The following STIM2 variants were observed in gnomAD, a reference collection of about 807,000 sequenced individuals.
STIM2 encodes the protein stromal interaction molecule 2.
Under a neutral mutation model 85.8 loss-of-function variants are expected in STIM2, and 31 were observed. The observed-to-expected ratio is 0.36, with a 90% CI of 0.27 to 0.49. STIM2 has a LOEUF of 0.49. STIM2 is among the 20% of genes least tolerant of loss of function. The pLI is 0.98. For missense variants in STIM2, 841 were observed against 927.6 expected, an observed-to-expected ratio of 0.91 and a Z score of 1.21; for synonymous variants, 356 against 331.1, an observed-to-expected ratio of 1.08 and a Z score of -0.82.
intron 2 of STIM2, among the ~76,000 whole-genome samples, chr4:26,956,401 A>G (rs1179294016): frequency 1.3e-5 from 2 of 151,904 alleles, no homozygotes; most frequent in Non-Finnish European, 2.9e-5. Flanking sequence ...TTTAAAAAGT[A>G]ATATAGAACA....
Position 26,890,920 on chromosome 4 carries a change from G to A in STIM2, c.152-28584G>A, listed in dbSNP as rs563030791. Reference sequence around the variant, plus strand: ...GGTCTTCACTCTGATTAACCTATATGAGCCTGTCAGTAGAGGCTTCACACA... The same window carrying A: ...GGTCTTCACTCTGATTAACCTATATAAGCCTGTCAGTAGAGGCTTCACACA... On this transcript the variant is annotated intron_variant, in intron 1 of 11. Coordinates refer to ENST00000467087, the MANE Select transcript of STIM2 (RefSeq NM_020860.4). Among the ~76,000 whole-genome samples, 8 of 151,674 alleles carry A rather than the reference G, an allele frequency of 5.3e-5. No individual in the cohort carries two copies. In the East Asian group the frequency reaches 1.4e-3, roughly 26 times the overall value.
At chr4:27,014,916 A>T (rs1186497043) in intron 10 of STIM2, among the ~76,000 whole-genome samples, 1 of 151,940 alleles carries the variant, frequency 6.6e-6, no homozygotes. Flanking sequence ...TTATGTGGAC[A>T]CTGCTTTATG....
chr4:26,874,013 T>C, intron 1 of STIM2: 1 of 776,750 alleles, frequency 1.3e-6, no homozygotes, highest in Admixed American at 1.8e-5. Flanking sequence ...GGCCTTCACC[T>C]GAGTCTCCAC....
chr4:26,981,174 CTTGAT>C (rs1727375464), intron 3 of STIM2, among the ~76,000 whole-genome samples: 1 of 152,170 alleles, frequency 6.6e-6, no homozygotes, highest in African/African-American at 2.4e-5. Context: ...GGACAAATAA[CTTGAT>C]CTCTCTGTCC....
intron 1 of STIM2, among the ~76,000 whole-genome samples, chr4:26,887,028 A>G (rs935474410): frequency 6.6e-6 from 1 of 152,116 alleles, no homozygotes; most frequent in African/African-American, 2.4e-5. Context: ...CCTGAAAATC[A>G]AGTTCATTGT....
intron 7 of STIM2, among the ~76,000 whole-genome samples, chr4:27,006,876 G>C (rs1336113985): frequency 2.6e-5 from 4 of 152,184 alleles, no homozygotes; most frequent in Admixed American, 1.3e-4. Context: ...AGTTTCTGGT[G>C]TATTCAAAGC....
intron 11 of STIM2, among the ~76,000 whole-genome samples, chr4:27,022,013 GC>G (rs959999281): frequency 2.0e-5 from 3 of 151,882 alleles, no homozygotes; most frequent in Admixed American, 1.3e-4. Flanking sequence ...TCGATTCCCT[GC>G]CCCCCTTTTA....
intron 10 of STIM2, among the ~76,000 whole-genome samples, chr4:27,015,142 A>G (rs1008998634): frequency 7.2e-5 from 11 of 151,964 alleles, no homozygotes. Context: ...ATTTAATCCA[A>G]ATATATTTAC....
chr4:26,910,092 A>G (rs994767931), intron 1 of STIM2, among the ~76,000 whole-genome samples: 4 of 152,354 alleles, frequency 2.6e-5, no homozygotes, highest in East Asian at 1.9e-4. Context: ...CCAGGAGTCA[A>G]GAAATTTGCA....
intron 2 of STIM2, among the ~76,000 whole-genome samples, chr4:26,944,280 GTTCT>G (rs1295343004): frequency 6.6e-6 from 1 of 151,882 alleles, no homozygotes; most frequent in African/African-American, 2.4e-5. Flanking sequence ...TGGTTTACTT[GTTCT>G]TTAATTTTTA....
At chr4:26,893,741 C>T (rs1258969809) in intron 1 of STIM2, among the ~76,000 whole-genome samples, 1 of 149,732 alleles carries the variant, frequency 6.7e-6, no homozygotes, top group African/African-American at 2.5e-5. Flanking sequence ...TTTACTTTCC[C>T]AGTGTCACGA....
intron 2 of STIM2, among the ~76,000 whole-genome samples, chr4:26,927,546 G>A: frequency 1.6e-5 from 1 of 63,468 alleles, no homozygotes; most frequent in Non-Finnish European, 3.0e-5. Flanking sequence ...CGGGGGAGGG[G>A]GGAGGGATAG....
chr4:26,910,417 G>C (rs1013678629), intron 1 of STIM2, among the ~76,000 whole-genome samples: 3 of 151,970 alleles, frequency 2.0e-5, no homozygotes, highest in African/African-American at 7.2e-5. Context: ...CCAGTTACTT[G>C]GGAGGCTGTG....
At chr4:26,992,434 G>C (rs1045588535) in intron 3 of STIM2, among the ~76,000 whole-genome samples, 1 of 151,978 alleles carries the variant, frequency 6.6e-6, no homozygotes, top group Admixed American at 6.6e-5. Context: ...ATAATCAGGG[G>C]CTGGGTGTGG....
intron 3 of STIM2, among the ~76,000 whole-genome samples, chr4:26,960,657 A>T (rs1441037744): frequency 6.6e-6 from 1 of 152,248 alleles, no homozygotes; most frequent in East Asian, 1.9e-4. Context: ...TAAAAACTTA[A>T]CGTTTTTTAA....
intron 1 of STIM2, among the ~76,000 whole-genome samples, chr4:26,887,782 A>T (rs1723314012): frequency 6.6e-6 from 1 of 152,218 alleles, no homozygotes; most frequent in Non-Finnish European, 1.5e-5. Context: ...TGCACTTAAA[A>T]TACTCAAAGA....
chr4:26,914,204 A>G (rs980087513), intron 1 of STIM2, among the ~76,000 whole-genome samples: 2 of 152,216 alleles, frequency 1.3e-5, no homozygotes, highest in African/African-American at 4.8e-5. Context: ...TCTGTTAATT[A>G]TCTAATTAAG....
At chr4:26,999,021 A>G (rs1280307236) in intron 4 of STIM2, among the ~76,000 whole-genome samples, 1 of 152,148 alleles carries the variant, frequency 6.6e-6, no homozygotes, top group Non-Finnish European at 1.5e-5. Context: ...CTAAATTATT[A>G]ACATACAGGA....
intron 11 of STIM2, 136 bp from the exon 12 acceptor site, chr4:27,022,383 A>T: frequency 1.5e-6 from 1 of 651,770 alleles, no homozygotes; most frequent in Non-Finnish European, 2.5e-6. Flanking sequence ...AATTTTGCTG[A>T]AATGTATATA....
Sources: allele counts gnomAD v4.1 joint callset (sites outside exome capture counted in the v4.1 genomes callset), GRCh38; gene constraint gnomAD v4.1.1; transcripts MANE v1.5; gene names NCBI Gene and HGNC (gene_info 2026-07-23, HGNC 2026-07-21).